The following TWIST2 variants were observed in gnomAD, a reference collection of about 807,000 sequenced individuals.
TWIST2 encodes the protein twist-related protein 2.
TWIST2 carries 1 observed loss-of-function variant against 11.6 expected under a neutral mutation model. The observed-to-expected ratio is 0.09, with a 90% CI of 0.03 to 0.41. The LOEUF is 0.41. Ranked by LOEUF, TWIST2 falls within the 10% of genes least tolerant of loss-of-function variation. The pLI is 0.98. For synonymous variants in TWIST2, 87 were observed against 96.6 expected (o/e 0.90, Z 0.58); for missense variants, 168 against 226.4 (o/e 0.74, Z 1.66).
chr2:238,868,831 C>A (rs897732552), intron 1 of TWIST2, among the ~76,000 whole-genome samples: 14 of 152,224 alleles, frequency 9.2e-5, no homozygotes, highest in Non-Finnish European at 1.5e-5. Context: ...CTGGAGGGAG[C>A]GCTGCGTGCC....
intron 1 of TWIST2, among the ~76,000 whole-genome samples, chr2:238,853,471 G>GAGAGAA (rs1333137012): frequency 2.0e-5 from 3 of 151,556 alleles, no homozygotes; most frequent in Admixed American, 6.6e-5. Flanking sequence ...GAGAGAGAGA[G>GAGAGAA]AGAGAGAGAA....
intron 1 of TWIST2, among the ~76,000 whole-genome samples, chr2:238,880,954 TTAA>T (rs1321755380): frequency 1.1e-5 from 1 of 95,108 alleles, no homozygotes; most frequent in Admixed American, 1.2e-4. Flanking sequence ...AGCATTAGTA[TTAA>T]TGTTAGTGTT....
intron 1 of TWIST2, among the ~76,000 whole-genome samples, chr2:238,905,932 C>G (rs1316595496): frequency 9.2e-6 from 1 of 109,256 alleles, no homozygotes; most frequent in African/African-American, 3.1e-5. Context: ...TGTGCGTGTG[C>G]GCGTGTGTGT....
At chr2:238,883,616 GA>G (rs1364996268) in intron 1 of TWIST2, among the ~76,000 whole-genome samples, 4 of 152,260 alleles carry the variant, frequency 2.6e-5, no homozygotes, top group Non-Finnish European at 5.9e-5. Flanking sequence ...ACAGATCAGG[GA>G]AAACATTTAG....
intron 1 of TWIST2, among the ~76,000 whole-genome samples, chr2:238,893,717 C>T (rs1191036189): frequency 6.6e-6 from 1 of 152,218 alleles, no homozygotes; most frequent in East Asian, 1.9e-4. Context: ...ACTCAGGAAG[C>T]GCCGATCGCC....
chr2:238,870,913 C>A (rs1247560203), intron 1 of TWIST2, among the ~76,000 whole-genome samples: 8 of 33,666 alleles, frequency 2.4e-4, no homozygotes, highest in South Asian at 9.6e-4. Context: ...TCCCACACAC[C>A]ACACACACAC....
Position 238,866,703 on chromosome 2 carries a change from C to T in TWIST2, c.*35+17970C>T, listed in dbSNP as rs990153474. ...GGCGCCTTCATGTTCCATGCCTTCA[C>T]GCTGCTCTCCCTTGACTGGAATCTC... On this transcript the variant is annotated intron_variant, in intron 1 of 1. Transcript: ENST00000612363. The surrounding 1 kb of genome is among the most constrained non-coding windows in gnomAD (Gnocchi z 4.9). Among the ~76,000 whole-genome samples the T allele has an allele frequency of 2.0e-5, 3 of 152,166 alleles. No individual in the cohort carries two copies. The highest frequency in any genetic ancestry group is 2.0e-4 in the Admixed American group (3 of 15,288).
chr2:238,858,882 G>C (rs572074490), intron 1 of TWIST2, among the ~76,000 whole-genome samples: 1 of 152,176 alleles, frequency 6.6e-6, no homozygotes, highest in Non-Finnish European at 1.5e-5. Context: ...TCAGTAAAAC[G>C]TAGCCCATTC....
chr2:238,850,719 GA>G (rs1173642225), intron 1 of TWIST2, among the ~76,000 whole-genome samples: 1 of 152,144 alleles, frequency 6.6e-6, no homozygotes, highest in African/African-American at 2.4e-5. Flanking sequence ...AGCTTGTTTG[GA>G]AAAAAGCCCT....
intron 1 of TWIST2, among the ~76,000 whole-genome samples, chr2:238,861,811 T>A (rs1692441867): frequency 6.6e-6 from 1 of 152,208 alleles, no homozygotes; most frequent in South Asian, 2.1e-4. Context: ...GAAAAATTGA[T>A]ACATTTTAAA....
chr2:238,851,454 A>G (rs1692239343), intron 1 of TWIST2, among the ~76,000 whole-genome samples: 1 of 152,124 alleles, frequency 6.6e-6, no homozygotes, highest in African/African-American at 2.4e-5. Context: ...AGGGTGGGGG[A>G]AGGTGACCAT....
At chr2:238,882,536 A>G (rs1692956365) in intron 1 of TWIST2, among the ~76,000 whole-genome samples, 1 of 152,010 alleles carries the variant, frequency 6.6e-6, no homozygotes, top group Non-Finnish European at 1.5e-5. Flanking sequence ...ACATTGACTC[A>G]TGTTAGGATC....
chr2:238,901,051 C>T (rs1693263826), intron 1 of TWIST2, among the ~76,000 whole-genome samples: 2 of 148,612 alleles, frequency 1.3e-5, no homozygotes, highest in African/African-American at 5.0e-5. Flanking sequence ...AATCTCAGCT[C>T]ACTGCAACTT....
intron 1 of TWIST2, among the ~76,000 whole-genome samples, chr2:238,870,531 A>AC (rs1692654736): frequency 2.1e-5 from 2 of 95,484 alleles, no homozygotes; most frequent in Admixed American, 1.2e-4. Flanking sequence ...CAAACCACAC[A>AC]CCCTACATAC....
intron 1 of TWIST2, among the ~76,000 whole-genome samples, chr2:238,868,042 C>T (rs534032136): frequency 6.6e-6 from 1 of 152,306 alleles, no homozygotes; most frequent in East Asian, 1.9e-4. Context: ...AATGGAAGTT[C>T]CAAGGAACAC....
At chr2:238,873,711 C>T (rs1259507200) in intron 1 of TWIST2, among the ~76,000 whole-genome samples, 1 of 152,166 alleles carries the variant, frequency 6.6e-6, no homozygotes, top group Admixed American at 6.5e-5. Flanking sequence ...GGCTGAGAGT[C>T]AGAAGCAAAT....
chr2:238,891,075 T>C (rs144082669), intron 1 of TWIST2, among the ~76,000 whole-genome samples: 5 of 152,346 alleles, frequency 3.3e-5, no homozygotes, highest in African/African-American at 1.2e-4. Context: ...TCACCACTTT[T>C]AGACGGAGGA....
intron 1 of TWIST2, among the ~76,000 whole-genome samples, chr2:238,869,998 T>C (rs897669801): frequency 5.9e-5 from 9 of 151,750 alleles, no homozygotes; most frequent in Admixed American, 6.6e-5. Context: ...ATTGGAATCA[T>C]TGGGCACTGC....
At chr2:238,857,724 G>A (rs1170747358) in intron 1 of TWIST2, among the ~76,000 whole-genome samples, 1 of 152,028 alleles carries the variant, frequency 6.6e-6, no homozygotes, top group Non-Finnish European at 1.5e-5. Context: ...ATTACCTGAG[G>A]CCAGGAGTTC....
Sources: gnomAD v4.1 joint callset for allele counts (sites outside exome capture counted in the v4.1 genomes callset) on GRCh38, gnomAD v4.1.1 for gene constraint, Gnocchi (gnomAD v3.1) non-coding constraint, MANE v1.5 for transcripts, NCBI Gene and HGNC (gene_info 2026-07-23, HGNC 2026-07-21) for gene names.